MAST4: variants seen among roughly 807,000 people sequenced by gnomAD.
MAST4 encodes microtubule-associated serine/threonine-protein kinase 4.
MAST4 carries 89 observed loss-of-function variants against 162.7 expected under a neutral mutation model. The observed-to-expected ratio is 0.55, with a 90% CI of 0.46 to 0.65. The LOEUF (loss-of-function observed/expected upper bound fraction) is 0.65. Ranked by LOEUF, MAST4 falls within the 30% of genes least tolerant of loss-of-function variation. The pLI is 0.00. For synonymous variants in MAST4, 1,479 were observed against 1,361.1 expected (o/e 1.09, Z -1.91); for missense variants, 3,153 against 3,374.0 (o/e 0.93, Z 1.62).
At chr5:66,693,738 T>C (rs866264162) in intron 1 of MAST4, among the ~76,000 whole-genome samples, 27 of 120,796 alleles carry the variant, frequency 2.2e-4, no homozygotes, top group African/African-American at 8.4e-4. Context: ...TCTTAAGATA[T>C]GGTCCTCGCT....
At chr5:67,150,434 A>G (rs1217255623) in intron 24 of MAST4, among the ~76,000 whole-genome samples, 1 of 152,240 alleles carries the variant, frequency 6.6e-6, no homozygotes, top group African/African-American at 2.4e-5. Context: ...ACATAAACAA[A>G]TGCTCATTTG....
rs369697089 is a variant in MAST4 at position 67,163,580 on chromosome 5, C to T, written c.4401C>T (p.Ser1467=). The T allele has an allele frequency of 6.3e-7, 1 of 1,595,026 alleles. No homozygotes were observed. The highest frequency in any genetic ancestry group is 2.3e-5 in the East Asian group (1 of 43,828). ...DKKHLCSRKH[S]LEVTQEEVQR... is the part of the protein sequence containing the mutation. ...AGCACCTGTGCTCCCGCAAGCACAG[C>T]CTGGAGGTGACCCAAGAGGAGGTGC... The change falls in exon 29 of 29, where the codon AGC becomes AGT. Residue 1467 remains serine, a synonymous_variant. Transcript: ENST00000403625. The surrounding 1 kb of genome is among the most constrained non-coding windows in gnomAD (Gnocchi z 7.0).
At chr5:66,661,578 G>A (rs1222721407) in intron 1 of MAST4, among the ~76,000 whole-genome samples, 1 of 152,202 alleles carries the variant, frequency 6.6e-6, no homozygotes, top group Non-Finnish European at 1.5e-5. Flanking sequence ...GATATTTGGT[G>A]ACTGCCTATA....
At chr5:66,598,063 A>G (rs1273893238) in intron 1 of MAST4, among the ~76,000 whole-genome samples, 1 of 152,178 alleles carries the variant, frequency 6.6e-6, no homozygotes, top group African/African-American at 2.4e-5. Flanking sequence ...GCTTTAGTAA[A>G]TAATTGCCTT....
chr5:66,946,524 A>G (rs1013879044), intron 4 of MAST4, among the ~76,000 whole-genome samples: 2 of 152,188 alleles, frequency 1.3e-5, no homozygotes, highest in Admixed American at 6.5e-5. Context: ...CTTCAAAGGA[A>G]TGATACAGGC....
intron 1 of MAST4, among the ~76,000 whole-genome samples, chr5:66,673,825 A>G (rs1747783415): frequency 6.6e-6 from 1 of 152,232 alleles, no homozygotes; most frequent in Non-Finnish European, 1.5e-5. Flanking sequence ...TAGATGGAGT[A>G]GCTAAAACTT....
chr5:67,113,101 C>G (rs1766443295), intron 11 of MAST4, among the ~76,000 whole-genome samples: 1 of 151,992 alleles, frequency 6.6e-6, no homozygotes, highest in Admixed American at 6.6e-5. Flanking sequence ...ATCACGAGGT[C>G]AGGAGATCGA....
chr5:66,673,522 TG>T (rs1406415347), intron 1 of MAST4, among the ~76,000 whole-genome samples: 12 of 138,976 alleles, frequency 8.6e-5, no homozygotes, highest in South Asian at 2.3e-4. Context: ...TTTTGTTTTT[TG>T]TTTTTTGTTT....
chr5:66,714,283 T>C (rs1750679669), intron 1 of MAST4, among the ~76,000 whole-genome samples: 1 of 152,234 alleles, frequency 6.6e-6, no homozygotes, highest in African/African-American at 2.4e-5. Flanking sequence ...GATATGTTCT[T>C]GGTGGCCTAG....
intron 1 of MAST4, among the ~76,000 whole-genome samples, chr5:66,632,722 A>G (rs997457166): frequency 6.6e-6 from 1 of 152,166 alleles, no homozygotes; most frequent in Non-Finnish European, 1.5e-5. Context: ...AGTATAAAAT[A>G]TTTTCAAGAC....
intron 1 of MAST4, among the ~76,000 whole-genome samples, chr5:66,680,302 TG>T (rs1748245049): frequency 6.6e-6 from 1 of 152,212 alleles, no homozygotes; most frequent in Non-Finnish European, 1.5e-5. Context: ...CTAATTTATT[TG>T]GTTGTCTTAG....
chr5:67,052,316 G>A (rs1405015455), intron 4 of MAST4, among the ~76,000 whole-genome samples: 1 of 152,112 alleles, frequency 6.6e-6, no homozygotes, highest in Non-Finnish European at 1.5e-5. Context: ...GACCAAACAA[G>A]TATATTTTAT....
chr5:66,603,022 G>A (rs976544571), intron 1 of MAST4, among the ~76,000 whole-genome samples: 2 of 152,130 alleles, frequency 1.3e-5, no homozygotes, highest in African/African-American at 4.8e-5. Flanking sequence ...TACTATTACC[G>A]AGTGTGGAAA....
At chr5:66,696,570 C>T (rs896282260) in intron 1 of MAST4, among the ~76,000 whole-genome samples, 2 of 152,116 alleles carry the variant, frequency 1.3e-5, no homozygotes, top group Admixed American at 1.3e-4. Context: ...CGCTCTGGTG[C>T]TCGGCTTCCT....
intron 1 of MAST4, among the ~76,000 whole-genome samples, chr5:66,730,833 A>G (rs1751801604): frequency 6.6e-6 from 1 of 151,920 alleles, no homozygotes; most frequent in African/African-American, 2.4e-5. Context: ...ATTTTGCTTT[A>G]TGGATCCACA....
chr5:66,831,666 C>T (rs774311954), intron 3 of MAST4, among the ~76,000 whole-genome samples: 14 of 152,206 alleles, frequency 9.2e-5, no homozygotes, highest in Non-Finnish European at 1.5e-4. Context: ...TAAGTGACTG[C>T]ACTTTTCCAT....
chr5:66,919,408 C>A (rs986966602), intron 4 of MAST4, among the ~76,000 whole-genome samples: 1 of 152,096 alleles, frequency 6.6e-6, no homozygotes, highest in Non-Finnish European at 1.5e-5. Context: ...CACCTGTAAT[C>A]CCAGAACTTT....
At chr5:66,916,872 C>T in intron 4 of MAST4, 1 of 630,020 alleles carries the variant, frequency 1.6e-6, no homozygotes. Flanking sequence ...TATTAACTGA[C>T]ATTCTTGTTG....
chr5:67,123,279 G>A (rs1767799162), intron 14 of MAST4, among the ~76,000 whole-genome samples: 1 of 152,208 alleles, frequency 6.6e-6, no homozygotes, highest in African/African-American at 2.4e-5. Context: ...TCTATCTGTA[G>A]TGCTAAAACA....
Sources: allele counts gnomAD v4.1 joint callset (sites outside exome capture counted in the v4.1 genomes callset), GRCh38; gene constraint gnomAD v4.1.1; non-coding constraint Gnocchi (gnomAD v3.1); transcripts MANE v1.5; gene names NCBI Gene and HGNC (gene_info 2026-07-23, HGNC 2026-07-21).